Variants in LARP4 observed in about 807,000 individuals in gnomAD.
LARP4 encodes la-related protein 4.
In LARP4, 29 loss-of-function variants were observed where a neutral mutation model predicts 92.9. The observed-to-expected ratio is 0.31, with a 90% confidence interval of 0.23 to 0.43. The LOEUF is 0.43. Among genes scored for constraint, LARP4 ranks in the 20% least tolerant of loss-of-function variants. The pLI, the probability that LARP4 is intolerant of heterozygous loss-of-function variation, is 1.00. For synonymous variants in LARP4, 279 were observed against 284.1 expected (o/e 0.98, Z 0.18); for missense variants, 732 against 860.0 (o/e 0.85, Z 1.86).
chr12:50,401,136 C>G (rs1463088289), intron 1 of LARP4, 108 bp downstream of exon 1: 2 of 1,281,272 alleles, frequency 1.6e-6, no homozygotes, highest in East Asian at 4.6e-5. Context: ...GCCGCGGAAC[C>G]GGCAGATAGG....
At chr12:50,411,187 C>CTT (rs11441189) in intron 1 of LARP4, among the ~76,000 whole-genome samples, 95 of 139,026 alleles carry the variant, frequency 6.8e-4, no homozygotes, top group East Asian at 2.3e-3. Context: ...CTAGTTGATT[C>CTT]TTTTTTTTTT....
rs377070884 is a variant in LARP4 at position 50,467,134 on chromosome 12, A to T, written c.1545+14A>T. The T allele has an allele frequency of 2.0e-5, 32 of 1,584,014 alleles. No individual in the cohort carries two copies. The African/African-American group carries it at 3.2e-4, about 16-fold the overall frequency. On this transcript the variant is annotated intron_variant, in intron 13 of 15. Transcript: ENST00000398473. ...TACAAAGAAAAGGTAAACACCCAGC[A>T]TCTGAGTCTTACCTTATGAGACCAT... is the stretch of plus-strand genomic sequence containing the variant.
chr12:50,427,555 C>T (rs57293958), intron 1 of LARP4, among the ~76,000 whole-genome samples: 16,550 of 151,876 alleles, frequency 0.11, 1,768 homozygotes, highest in East Asian at 0.45. Flanking sequence ...TTAGAGATAC[C>T]TATTTTTTAT....
intron 13 of LARP4, 69 bp from the exon 14 acceptor site, chr12:50,473,346 T>A: frequency 8.6e-7 from 1 of 1,164,074 alleles, no homozygotes; most frequent in East Asian, 2.5e-5. Flanking sequence ...TCTCTTGTGC[T>A]TATTAGACGT....
At chr12:50,407,310 C>T (rs1945038745) in intron 1 of LARP4, among the ~76,000 whole-genome samples, 1 of 152,202 alleles carries the variant, frequency 6.6e-6, no homozygotes, top group Non-Finnish European at 1.5e-5. Flanking sequence ...GGGCGTGAGC[C>T]ACTGCGTCTG....
At chr12:50,463,373 C>T (rs1955702138) in intron 12 of LARP4, among the ~76,000 whole-genome samples, 1 of 128,410 alleles carries the variant, frequency 7.8e-6, no homozygotes, top group Non-Finnish European at 1.5e-5. Flanking sequence ...CACTTGAGCT[C>T]AGGAGTTGGA....
intron 1 of LARP4, 112 bp from the exon 2 acceptor site, chr12:50,427,650 A>G: frequency 2.0e-6 from 1 of 500,370 alleles, no homozygotes; most frequent in Non-Finnish European, 3.3e-6. Flanking sequence ...TGTTAAATAT[A>G]ATTATTGGGT....
In LARP4 at chr12:50,466,951, C is replaced by T. The variant is rs560662914; in HGVS notation, c.1384-8C>T. 3.1e-6 allele frequency: 5 copies of T among 1,599,468 alleles called. No homozygotes were observed. In the African/African-American group the frequency reaches 6.7e-5, roughly 21 times the overall value. On this transcript the variant is annotated splice_polypyrimidine_tract_variant and splice_region_variant and intron_variant, in intron 12 of 15. Coordinates refer to ENST00000398473, the MANE Select transcript of LARP4 (RefSeq NM_052879.5). ...CATGTGACCTGTTTTATTATTTGTT[C>T]ATTTTAGAGACCTCATCCTTCAACA...
At chr12:50,403,671 A>G (rs1944284690) in intron 1 of LARP4, among the ~76,000 whole-genome samples, 1 of 152,214 alleles carries the variant, frequency 6.6e-6, no homozygotes, top group Admixed American at 6.5e-5. Flanking sequence ...CATCTTTGGC[A>G]GGGTTAATCT....
intron 1 of LARP4, among the ~76,000 whole-genome samples, chr12:50,421,695 T>C (rs1013342255): frequency 2.7e-5 from 4 of 150,434 alleles, no homozygotes; most frequent in African/African-American, 9.9e-5. Context: ...AATAATACTT[T>C]GTAAGTGGGG....
At chr12:50,401,131 G>A in intron 1 of LARP4, 103 bp downstream of exon 1, 4 of 1,334,134 alleles carry the variant, frequency 3.0e-6, no homozygotes, top group Non-Finnish European at 4.3e-6. Flanking sequence ...TACACGCCGC[G>A]GAACCGGCAG....
intron 1 of LARP4, among the ~76,000 whole-genome samples, chr12:50,420,317 G>A (rs979018138): frequency 1.7e-4 from 26 of 152,198 alleles, no homozygotes; most frequent in Non-Finnish European, 3.4e-4. Context: ...TGCAACTAGA[G>A]AGACCAAAAT....
intron 8 of LARP4, among the ~76,000 whole-genome samples, chr12:50,451,107 G>A (rs1953109186): frequency 6.6e-6 from 1 of 152,126 alleles, no homozygotes; most frequent in Non-Finnish European, 1.5e-5. Context: ...AACATTTAAA[G>A]TCAGCAATTT....
chr12:50,426,739 T>G (rs12828943), intron 1 of LARP4, among the ~76,000 whole-genome samples: 1 of 137,256 alleles, frequency 7.3e-6, no homozygotes, highest in Non-Finnish European at 1.6e-5. Context: ...GTGGTTTTTT[T>G]TTTTTTTTTT....
chr12:50,417,260 G>C (rs1014092591), intron 1 of LARP4, among the ~76,000 whole-genome samples: 4 of 151,258 alleles, frequency 2.6e-5, no homozygotes, highest in African/African-American at 9.7e-5. Flanking sequence ...CATGTAATCC[G>C]AGCTACTTGG....
intron 2 of LARP4, among the ~76,000 whole-genome samples, chr12:50,428,581 C>T (rs1365572670): frequency 2.0e-5 from 3 of 152,078 alleles, no homozygotes; most frequent in African/African-American, 7.2e-5. Context: ...ACTCACTGTT[C>T]GACCTTGGGC....
chr12:50,447,877 A>G (rs994383025), intron 8 of LARP4, among the ~76,000 whole-genome samples: 2 of 149,936 alleles, frequency 1.3e-5, no homozygotes, highest in African/African-American at 2.5e-5. Flanking sequence ...ATTTTTTTCT[A>G]TTTTTTTTGA....
intron 13 of LARP4, among the ~76,000 whole-genome samples, chr12:50,470,252 C>G (rs1226468251): frequency 1.3e-5 from 2 of 151,682 alleles, no homozygotes; most frequent in African/African-American, 4.8e-5. Flanking sequence ...TAATCAGAAG[C>G]TATTTTAGTT....
rs912630006 is a variant in LARP4 at position 50,479,994 on chromosome 12, A to G, written c.*4130A>G. 6.6e-6 allele frequency: 1 copy of G among 152,342 alleles called. No individual in the cohort carries two copies. 9.4% of individuals were successfully genotyped at this position (152,342 alleles called of 1,614,324 possible). ...ACAAAATTAGAAAAAAAATAAAATT[A>G]TTAAAAAGCAGGACTGGTTTCCTTT... On this transcript the variant is annotated 3_prime_UTR_variant, in exon 16 of 16. Coordinates refer to ENST00000398473, the MANE Select transcript of LARP4 (RefSeq NM_052879.5).
Sources: allele counts gnomAD v4.1 joint callset (sites outside exome capture counted in the v4.1 genomes callset), GRCh38; gene constraint gnomAD v4.1.1; transcripts MANE v1.5; gene names NCBI Gene and HGNC (gene_info 2026-07-23, HGNC 2026-07-21).